KIF27: variants seen among roughly 807,000 people sequenced by gnomAD.
The protein encoded by KIF27 is kinesin family member 27.
KIF27 carries 84 observed loss-of-function variants against 141.8 expected under a neutral mutation model. The ratio of observed to expected loss-of-function variants is 0.59; its 90% confidence interval spans 0.50 to 0.71. The LOEUF (loss-of-function observed/expected upper bound fraction) is 0.71. Among genes scored for constraint, KIF27 ranks in the 30% least tolerant of loss-of-function variants. The probability of loss-of-function intolerance (pLI) is 0.00; values close to 1 mark genes in which losing one functional copy is unlikely to be tolerated. For missense variants in KIF27, 1,306 were observed against 1,628.4 expected, an observed-to-expected ratio of 0.80 and a Z score of 3.41; for synonymous variants, 471 against 569.5, an observed-to-expected ratio of 0.83 and a Z score of 2.46.
intron 1 of KIF27, among the ~76,000 whole-genome samples, chr9:83,916,625 A>G (rs1955708641): frequency 6.6e-6 from 1 of 151,740 alleles, no homozygotes; most frequent in Non-Finnish European, 1.5e-5. Flanking sequence ...AAAAATATAT[A>G]TAAACAAATA....
chr9:83,904,171 T>A (rs1409345434), intron 3 of KIF27, among the ~76,000 whole-genome samples, 153 bp from the exon 4 acceptor site: 1 of 152,216 alleles, frequency 6.6e-6, no homozygotes, highest in Admixed American at 6.5e-5. Flanking sequence ...AGCAACATCA[T>A]CAAATAATTT....
In KIF27 at chr9:83,903,482, T is replaced by G; in HGVS notation, c.1036A>C (p.Thr346Pro). The change falls in exon 4 of 18, where the codon ACT becomes CCT. Residue 346 changes from threonine (T) to proline (P), a missense_variant. Thr to Pro is a conservative substitution (Grantham distance 38). Coordinates refer to ENST00000297814, the MANE Select transcript of KIF27 (RefSeq NM_017576.4). ...NRARNIRNKP[T>P]VNFSPESDRI... ...TCTGACTCGGGGCTGAAGTTTACAG[T>G]GGGTTTGTTTCTAATGTTCCGTGCT... The G allele has an allele frequency of 1.2e-6, 2 of 1,614,038 alleles. No homozygotes were observed. The highest frequency in any genetic ancestry group is 1.7e-6 in the Non-Finnish European group (2 of 1,180,012).
intron 17 of KIF27, among the ~76,000 whole-genome samples, chr9:83,839,358 C>G (rs1946298583): frequency 6.6e-6 from 1 of 152,128 alleles, no homozygotes; most frequent in African/African-American, 2.4e-5. Context: ...TTAATTTGCC[C>G]AAGGTCAAAC....
chr9:83,908,427 C>A, intron 3 of KIF27, 25 bp downstream of exon 3: 1 of 1,439,940 alleles, frequency 6.9e-7, no homozygotes, highest in South Asian at 1.3e-5. Context: ...CTAATGAAGG[C>A]AACTGATTAA....
At chr9:83,892,990 G>A (rs1952826159) in intron 5 of KIF27, among the ~76,000 whole-genome samples, 1 of 152,146 alleles carries the variant, frequency 6.6e-6, no homozygotes. Context: ...ATCCCAGCAC[G>A]CTGGGAAGCC....
chr9:83,862,782 C>T (rs979796795), intron 13 of KIF27, among the ~76,000 whole-genome samples: 7 of 151,958 alleles, frequency 4.6e-5, no homozygotes, highest in South Asian at 2.1e-4. Flanking sequence ...GCCATTTTCA[C>T]GATATTGATT....
At position 83,903,212 on chromosome 9, in the gene KIF27, G is replaced by C; in HGVS notation, c.1306C>G (p.Gln436Glu). The C allele has an allele frequency of 1.9e-6, 3 of 1,614,118 alleles. No homozygotes were observed. The highest frequency in any genetic ancestry group is 1.7e-6 in the Non-Finnish European group (2 of 1,180,024). Residue 436 changes from glutamine (Q) to glutamate (E), a missense_variant, in exon 4 of 18, where the codon CAA (glutamine) becomes GAA (glutamate). By Grantham distance (29) the Gln-to-Glu change is conservative. Transcript: ENST00000297814. ...TTAAACCACTCCTGCAGTTTGTGTT[G>C]CTGCTTTTCGTTTAGTCTGACAGTA... ...KDTVRLNEKQ[Q>E]HKLQEWFNMI...
At chr9:83,893,983 TAAA>T (rs1234549597) in intron 5 of KIF27, among the ~76,000 whole-genome samples, 1 of 152,144 alleles carries the variant, frequency 6.6e-6, no homozygotes, top group Non-Finnish European at 1.5e-5. Context: ...TATTAATGAA[TAAA>T]AGACTATCAT....
chr9:83,881,234 C>T (rs1375165889), intron 10 of KIF27, among the ~76,000 whole-genome samples: 1 of 152,052 alleles, frequency 6.6e-6, no homozygotes, highest in East Asian at 1.9e-4. Context: ...AGTGTTCACA[C>T]CACTAATATA....
intron 14 of KIF27, chr9:83,855,250 G>A (rs1949065597): frequency 6.6e-6 from 1 of 152,212 alleles, no homozygotes; most frequent in African/African-American, 2.4e-5. Context: ...GGCCAGGCTG[G>A]TCTTGGAACT....
chr9:83,883,563 C>T (rs1334484818), intron 10 of KIF27, among the ~76,000 whole-genome samples: 1 of 152,102 alleles, frequency 6.6e-6, no homozygotes, highest in Admixed American at 6.6e-5. Context: ...AACACTGTTT[C>T]GTGGTTACGT....
chr9:83,850,278 G>GCTT lies in KIF27; in HGVS notation c.3374_3376dup (p.Glu1125dup). 1 of 1,613,438 alleles carries GCTT rather than the reference G, an allele frequency of 6.2e-7. No individual in the cohort carries two copies. Among genetic ancestry groups the GCTT allele is most frequent in the Non-Finnish European group, 8.5e-7 (1 of 1,179,460 alleles). On this transcript the variant is annotated inframe_insertion, in exon 16 of 18. Coordinates refer to ENST00000297814, the MANE Select transcript of KIF27 (RefSeq NM_017576.4). ...ATTATATAACTGTTGTTTCCGTTCAGCTTCTCGCAAATTCACCACCTAACA... is the reference window on the plus strand; with the variant it reads ...ATTATATAACTGTTGTTTCCGTTCAGCTTCTTCTCGCAAATTCACCACCTAACA...
At chr9:83,849,772 A>T (rs1439460084) in intron 16 of KIF27, among the ~76,000 whole-genome samples, 1 of 152,236 alleles carries the variant, frequency 6.6e-6, no homozygotes, top group Non-Finnish European at 1.5e-5. Context: ...TGAGAAATAA[A>T]AAAAAATTCA....
At chr9:83,878,315 A>C (rs1951399457) in intron 11 of KIF27, among the ~76,000 whole-genome samples, 2 of 152,108 alleles carry the variant, frequency 1.3e-5, no homozygotes, top group Admixed American at 6.6e-5. Context: ...ATGTAAAATG[A>C]TGCTGCTGCT....
chr9:83,870,038 A>AATT (rs1406104162), intron 12 of KIF27, among the ~76,000 whole-genome samples: 1 of 152,194 alleles, frequency 6.6e-6, no homozygotes, highest in Admixed American at 6.5e-5. Flanking sequence ...AGAAAAGAAA[A>AATT]ATAATAAAGT....
intron 16 of KIF27, chr9:83,848,054 T>TGATATATATG (rs1491138894): frequency 1.6e-4 from 4 of 24,346 alleles, no homozygotes; most frequent in South Asian, 1.7e-3. Context: ...TACATATATC[T>TGATATATATG]ATATATCATA....
intron 1 of KIF27, among the ~76,000 whole-genome samples, chr9:83,917,099 A>G (rs1455392114): frequency 6.6e-6 from 1 of 152,004 alleles, no homozygotes; most frequent in East Asian, 1.9e-4. Context: ...TGTCATTTAC[A>G]TTAGGTATAT....
intron 11 of KIF27, among the ~76,000 whole-genome samples, chr9:83,872,140 A>G (rs896787152): frequency 1.1e-4 from 17 of 151,768 alleles, no homozygotes; most frequent in African/African-American, 3.6e-4. Context: ...TCTGGCCAAC[A>G]TGGGGAAACC....
At chr9:83,901,121 G>A (rs950979414) in intron 4 of KIF27, among the ~76,000 whole-genome samples, 1 of 152,010 alleles carries the variant, frequency 6.6e-6, no homozygotes, top group Admixed American at 6.6e-5. Flanking sequence ...ACCATGCCTG[G>A]CTAGTTTTTT....
Sources: gnomAD v4.1 joint callset for allele counts (sites outside exome capture counted in the v4.1 genomes callset) on GRCh38, gnomAD v4.1.1 for gene constraint, MANE v1.5 for transcripts, NCBI Gene and HGNC (gene_info 2026-07-23, HGNC 2026-07-21) for gene names.